SENP6: variants seen among roughly 807,000 people sequenced by gnomAD.
SENP6 encodes sentrin-specific protease 6.
A neutral mutation model predicts 134.5 loss-of-function variants in SENP6; 41 were observed. That is an observed-to-expected ratio of 0.30 (90% CI 0.24 to 0.40). SENP6 has a LOEUF of 0.40. SENP6 is among the 10% of genes least tolerant of loss of function. SENP6 has a pLI of 1.00. For synonymous variants in SENP6, 395 were observed against 429.8 expected, an observed-to-expected ratio of 0.92 and a Z score of 1.00; for missense variants, 1,248 against 1,312.5, an observed-to-expected ratio of 0.95 and a Z score of 0.76.
At position 75,715,855 on chromosome 6, in the gene SENP6, A is replaced by C; in HGVS notation, c.*261A>C. Reference sequence around the variant, plus strand: ...TTGTTATGTATTTTCTGTTAATAGTACCTAAAATTGCAACTTCTAAACACA... The same window carrying C: ...TTGTTATGTATTTTCTGTTAATAGTCCCTAAAATTGCAACTTCTAAACACA... On this transcript the variant is annotated 3_prime_UTR_variant, in exon 24 of 24. Transcript: ENST00000447266. The C allele has an allele frequency of 4.1e-6, 1 of 243,514 alleles. No homozygotes were observed. The highest frequency in any genetic ancestry group is 7.8e-6 in the Non-Finnish European group (1 of 127,422). The allele number at this position is 243,514 out of a possible 1,614,324, so 15.1% of individuals were successfully genotyped here. A position where few individuals can be genotyped will look rare whatever the true frequency, so the allele number is the denominator to read the frequency against.
chr6:75,700,001 C>T (rs962282863), intron 18 of SENP6, among the ~76,000 whole-genome samples: 2 of 152,130 alleles, frequency 1.3e-5, no homozygotes, highest in African/African-American at 2.4e-5. Flanking sequence ...GCTTCAAACT[C>T]CTAGGCTTAA....
intron 1 of SENP6, among the ~76,000 whole-genome samples, chr6:75,610,396 T>C (rs1179135078): frequency 6.6e-6 from 1 of 152,176 alleles, no homozygotes; most frequent in African/African-American, 2.4e-5. Context: ...TTACTTAGAA[T>C]GATGCAACAA....
intron 6 of SENP6, among the ~76,000 whole-genome samples, chr6:75,641,002 T>A (rs45497991): frequency 0.26 from 40,239 of 152,054 alleles, 6,279 homozygotes; most frequent in Non-Finnish European, 0.37. Flanking sequence ...TTTGAAAACA[T>A]AAAATAAATT....
At chr6:75,660,778 T>C (rs1423695319) in intron 8 of SENP6, among the ~76,000 whole-genome samples, 1 of 152,090 alleles carries the variant, frequency 6.6e-6, no homozygotes, top group Non-Finnish European at 1.5e-5. Context: ...ACTACAGGCA[T>C]CTGCCACCAT....
chr6:75,620,377 T>C (rs1768177561), intron 1 of SENP6, among the ~76,000 whole-genome samples: 1 of 152,158 alleles, frequency 6.6e-6, no homozygotes, highest in Non-Finnish European at 1.5e-5. Context: ...CTCAGAATTC[T>C]GGAAGCTGGG....
intron 1 of SENP6, among the ~76,000 whole-genome samples, chr6:75,604,242 G>A (rs557292106): frequency 6.6e-6 from 1 of 152,190 alleles, no homozygotes; most frequent in Non-Finnish European, 1.5e-5. Context: ...TCTAATCTAA[G>A]GGTCTTTGAA....
intron 16 of SENP6, among the ~76,000 whole-genome samples, chr6:75,689,026 A>G (rs1774047477): frequency 6.6e-6 from 1 of 152,192 alleles, no homozygotes. Context: ...AGATCATGCC[A>G]TTGAACTCCA....
chr6:75,607,254 G>A (rs1265228230), intron 1 of SENP6, among the ~76,000 whole-genome samples: 6 of 151,938 alleles, frequency 3.9e-5, no homozygotes, highest in East Asian at 3.9e-4. Context: ...AGCCATGATC[G>A]TACCACTGCA....
chr6:75,690,225 T>TG (rs1774143159), intron 16 of SENP6, among the ~76,000 whole-genome samples: 1 of 152,198 alleles, frequency 6.6e-6, no homozygotes, highest in African/African-American at 2.4e-5. Context: ...AGCAGAGTCT[T>TG]GAAGACATAT....
intron 16 of SENP6, among the ~76,000 whole-genome samples, chr6:75,693,386 A>G (rs1398574425): frequency 1.3e-5 from 2 of 150,122 alleles, no homozygotes; most frequent in Non-Finnish European, 3.0e-5. Context: ...CCTGGGAGAC[A>G]GAGTGATACT....
chr6:75,683,762 G>A (rs1424792536), intron 16 of SENP6, among the ~76,000 whole-genome samples: 7 of 152,182 alleles, frequency 4.6e-5, no homozygotes, highest in Admixed American at 4.6e-4. Context: ...GTATATCTCT[G>A]TTTTGGTACC....
At chr6:75,667,547 A>T (rs529942429) in intron 10 of SENP6, among the ~76,000 whole-genome samples, 1 of 152,284 alleles carries the variant, frequency 6.6e-6, no homozygotes, top group South Asian at 2.1e-4. Context: ...TATTCAATGG[A>T]CTTTAAAAAT....
At chr6:75,678,432 T>C (rs1582839572) in intron 14 of SENP6, 151 bp from the exon 15 acceptor site, 1 of 553,738 alleles carries the variant, frequency 1.8e-6, no homozygotes, top group East Asian at 3.2e-5. Flanking sequence ...TTTGCCTGTT[T>C]CTTGTTTTTA....
At chr6:75,613,242 A>G (rs1355384536) in intron 1 of SENP6, among the ~76,000 whole-genome samples, 1 of 152,182 alleles carries the variant, frequency 6.6e-6, no homozygotes, top group Non-Finnish European at 1.5e-5. Flanking sequence ...CAAAAGAAGA[A>G]TGTTTCATGA....
chr6:75,718,120 A>G lies in SENP6; in HGVS notation c.*2526A>G. ...TCTAAATTACATCTTGTTTTAAGCC[A>G]CCAAAATGAATGCAGTAATTTTTCT... On this transcript the variant is annotated 3_prime_UTR_variant, in exon 24 of 24. Transcript: ENST00000447266. 1 of 152,208 alleles carries G rather than the reference A, an allele frequency of 6.6e-6. No individual in the cohort carries two copies. Among genetic ancestry groups the G allele is most frequent in the East Asian group, 1.9e-4 (1 of 5,202 alleles). The allele number at this position is 152,208 out of a possible 1,614,324, so 9.4% of individuals were successfully genotyped here.
At chr6:75,624,629 T>C (rs1420054290) in intron 3 of SENP6, among the ~76,000 whole-genome samples, 1 of 152,218 alleles carries the variant, frequency 6.6e-6, no homozygotes, top group Non-Finnish European at 1.5e-5. Context: ...TTTTGTGAGG[T>C]TGAACATCAT....
rs887459966 is a variant in SENP6, at chr6:75,677,151, G to A, written c.1743G>A (p.Ala581=). ...GIKNNISNFF[A]KIPFEEANGR... is the part of the protein sequence containing the mutation. Reference sequence around the variant, plus strand: ...AGAATAACATCTCCAATTTTTTTGCGAAAATTCCCTTTGAAGAAGCTAATG... The same window carrying A: ...AGAATAACATCTCCAATTTTTTTGCAAAAATTCCCTTTGAAGAAGCTAATG... Residue 581 remains alanine (A), a synonymous_variant, in exon 14 of 24, where the codon GCG becomes GCA. Coordinates refer to ENST00000447266, the MANE Select transcript of SENP6 (RefSeq NM_015571.4). The A allele has an allele frequency of 1.2e-5, 20 of 1,611,844 alleles. No individual in the cohort carries two copies. Among genetic ancestry groups the A allele is most frequent in the African/African-American group, 2.7e-5 (2 of 74,792 alleles).
At chr6:75,644,312 A>T (rs1369263185) in intron 6 of SENP6, 1 of 152,158 alleles carries the variant, frequency 6.6e-6, no homozygotes, top group African/African-American at 2.4e-5. Context: ...ATTATAACTT[A>T]GACCGAGGGA....
intron 16 of SENP6, among the ~76,000 whole-genome samples, chr6:75,683,071 T>C (rs1773577203): frequency 6.6e-6 from 1 of 152,218 alleles, no homozygotes; most frequent in East Asian, 1.9e-4. Context: ...GCATCTGTTG[T>C]TTCCTGACTT....
Sources: allele counts gnomAD v4.1 joint callset (sites outside exome capture counted in the v4.1 genomes callset), GRCh38; gene constraint gnomAD v4.1.1; transcripts MANE v1.5; gene names NCBI Gene and HGNC (gene_info 2026-07-23, HGNC 2026-07-21).